TBC1D2: variants seen among roughly 807,000 people sequenced by gnomAD.
The protein encoded by TBC1D2 is TBC1 domain family member 2A.
A neutral mutation model predicts 91.1 loss-of-function variants in TBC1D2; 58 were observed. The ratio of observed to expected loss-of-function variants is 0.64; its 90% CI spans 0.52 to 0.79. TBC1D2 has a LOEUF of 0.79. TBC1D2 is among the 30% of genes least tolerant of loss of function. The probability of loss-of-function intolerance (pLI) is 0.00; values close to 1 mark genes in which losing one functional copy is unlikely to be tolerated. For synonymous variants in TBC1D2, 482 were observed against 511.5 expected, an observed-to-expected ratio of 0.94 and a Z score of 0.78; for missense variants, 1,080 against 1,208.3, an observed-to-expected ratio of 0.89 and a Z score of 1.57.
chr9:98,212,846 A>G (rs1000365772), intron 7 of TBC1D2, among the ~76,000 whole-genome samples: 5 of 151,600 alleles, frequency 3.3e-5, no homozygotes, highest in Non-Finnish European at 7.4e-5. Flanking sequence ...ACTAGTCTAT[A>G]CCCTCCTTGT....
intron 7 of TBC1D2, among the ~76,000 whole-genome samples, chr9:98,212,570 C>T (rs895708741): frequency 6.6e-6 from 1 of 151,592 alleles, no homozygotes; most frequent in African/African-American, 2.4e-5. Context: ...GGCGCAATCT[C>T]GGCTCACTGC....
chr9:98,239,788 C>A (rs182546620), intron 3 of TBC1D2, among the ~76,000 whole-genome samples: 2 of 152,228 alleles, frequency 1.3e-5, no homozygotes, highest in Admixed American at 1.3e-4. Context: ...CCAGTGAAGT[C>A]ATTTGGTCCT....
At chr9:98,254,813 A>G (rs1387781544) in intron 1 of TBC1D2, among the ~76,000 whole-genome samples, 1 of 152,214 alleles carries the variant, frequency 6.6e-6, no homozygotes, top group Non-Finnish European at 1.5e-5. Flanking sequence ...CAGGTAAGAA[A>G]GTTAAGGTAA....
intron 11 of TBC1D2, 121 bp from the exon 12 acceptor site, chr9:98,200,495 G>C: frequency 1.3e-6 from 1 of 756,888 alleles, no homozygotes; most frequent in Non-Finnish European, 2.0e-6. Flanking sequence ...GGAAGTTGAG[G>C]CCTGGAGGCA....
At chr9:98,218,781 C>T (rs1037006913) in intron 6 of TBC1D2, among the ~76,000 whole-genome samples, 12 of 152,048 alleles carry the variant, frequency 7.9e-5, no homozygotes, top group African/African-American at 2.2e-4. Flanking sequence ...ACCTCCACCT[C>T]GTGGGCTCAA....
At chr9:98,252,362 T>G (rs1485334721) in intron 1 of TBC1D2, among the ~76,000 whole-genome samples, 1 of 152,152 alleles carries the variant, frequency 6.6e-6, no homozygotes, top group Non-Finnish European at 1.5e-5. Context: ...CTCCAAGTCT[T>G]TGCTGCCTTT....
At chr9:98,209,967 T>G (rs1286372256) in intron 8 of TBC1D2, among the ~76,000 whole-genome samples, 1 of 150,936 alleles carries the variant, frequency 6.6e-6, no homozygotes, top group Non-Finnish European at 1.5e-5. Flanking sequence ...TAGCTGGGAC[T>G]ACAGGCGTGC....
intron 3 of TBC1D2, among the ~76,000 whole-genome samples, chr9:98,241,252 G>A (rs1402412637): frequency 1.3e-5 from 2 of 152,216 alleles, no homozygotes; most frequent in Non-Finnish European, 2.9e-5. Context: ...AGCCCTGGAT[G>A]TCTAACTCCA....
At chr9:98,222,128 C>T (rs891444467) in intron 5 of TBC1D2, among the ~76,000 whole-genome samples, 1 of 152,200 alleles carries the variant, frequency 6.6e-6, no homozygotes, top group Non-Finnish European at 1.5e-5. Flanking sequence ...GAATGGAATT[C>T]AATCTCAATT....
chr9:98,220,230 T>C (rs542539364), intron 6 of TBC1D2, among the ~76,000 whole-genome samples: 45 of 152,204 alleles, frequency 3.0e-4, no homozygotes, highest in African/African-American at 1.0e-3. Context: ...CTCCTTAACC[T>C]TTCTCAGCCT....
intron 7 of TBC1D2, among the ~76,000 whole-genome samples, chr9:98,211,614 A>G (rs1277823456): frequency 6.6e-6 from 1 of 151,976 alleles, no homozygotes; most frequent in African/African-American, 2.4e-5. Flanking sequence ...ATCCTATCTC[A>G]TCCTGGGGTG....
In TBC1D2 at chr9:98,236,928, ATT is replaced by A. The variant is rs113680368; in HGVS notation, c.648-3381_648-3380del. ...TGTATCTGTGTAGATCATTACTTCC[ATT>A]TTTTTTTTTTTTCCTCATTCAAAAT... On this transcript the variant is annotated intron_variant, in intron 3 of 12. Coordinates refer to ENST00000465784, the MANE Select transcript of TBC1D2 (RefSeq NM_001267571.2). Among the ~76,000 whole-genome samples, 458 of 134,164 alleles carry A rather than the reference ATT, an allele frequency of 3.4e-3. 1 individual carries two copies. The highest frequency in any genetic ancestry group is 0.011 in the African/African-American group (379 of 35,580). 88.0% of individuals were successfully genotyped at this position (134,164 alleles called of 152,430 possible).
Position 98,201,524 on chromosome 9 carries a change from G to T in TBC1D2, c.2412C>A (p.Asn804Lys). ...AGGCATCCCAGACCCGAAGGAGGAT[G>T]TTGCTAATGAGACTGTCCGCAAAGA... ...LVVFADSLISNILLRVWDAFL... is the reference protein window; with the variant it reads ...LVVFADSLISKILLRVWDAFL... The change falls in exon 11 of 13, where the codon AAC (asparagine) becomes AAA (lysine). Residue 804 changes from asparagine (N) to lysine (K), a missense_variant. Coordinates refer to ENST00000465784, the MANE Select transcript of TBC1D2 (RefSeq NM_001267571.2). 1 of 1,614,152 alleles carries T rather than the reference G, an allele frequency of 6.2e-7. No individual in the cohort carries two copies. The highest frequency in any genetic ancestry group is 8.5e-7 in the Non-Finnish European group (1 of 1,180,016).
At chr9:98,224,620 G>C (rs1402049642) in intron 5 of TBC1D2, among the ~76,000 whole-genome samples, 1 of 151,972 alleles carries the variant, frequency 6.6e-6, no homozygotes, top group East Asian at 1.9e-4. Context: ...CGAGTTGTTT[G>C]GTTCATCTCA....
Position 98,208,775 on chromosome 9 carries a change from G to T in TBC1D2, c.2043C>A (p.Asn681Lys). 6.3e-7 allele frequency: 1 copy of T among 1,582,786 alleles called. No individual in the cohort carries two copies. Among genetic ancestry groups the T allele is most frequent in the Non-Finnish European group, 8.6e-7 (1 of 1,159,542 alleles). ...ELDLNRTFPN[N>K]KHFTCPTSSF... Reference sequence around the variant, plus strand: ...TGGAGGTGGGGCAGGTGAAGTGTTTGTTGTTGGGGAAGGTCCGGTTCAGGT... The same window carrying T: ...TGGAGGTGGGGCAGGTGAAGTGTTTTTTGTTGGGGAAGGTCCGGTTCAGGT... Residue 681 changes from asparagine to lysine, a missense_variant, in exon 9 of 13, where the codon AAC becomes AAA. Physicochemically the swap from Asn to Lys is moderately conservative, Grantham distance 94. Transcript: ENST00000465784.
chr9:98,203,278 C>A lies in TBC1D2; in HGVS notation c.2271+10G>T. 1 of 1,614,050 alleles carries A rather than the reference C, an allele frequency of 6.2e-7. No homozygotes were observed. The highest frequency in any genetic ancestry group is 8.5e-7 in the Non-Finnish European group (1 of 1,179,936). Reference sequence around the variant, plus strand: ...ACATGGCTGCAAAGTCCCCTCCTGGCCCCACTTACCTGGGATGCCGTCAGC... The same window carrying A: ...ACATGGCTGCAAAGTCCCCTCCTGGACCCACTTACCTGGGATGCCGTCAGC... On this transcript the variant is annotated intron_variant, in intron 10 of 12. Transcript: ENST00000465784.
In TBC1D2 at chr9:98,229,079, GCTTT is replaced by G. The variant is rs1375046295; in HGVS notation, c.847_850del (p.Lys283ProfsTer33). 5.6e-6 allele frequency: 9 copies of G among 1,614,132 alleles called. No individual in the cohort carries two copies. The highest frequency in any genetic ancestry group is 1.6e-4 in the Middle Eastern group (1 of 6,084). On this transcript the variant is annotated frameshift_variant, in exon 5 of 13. Coordinates refer to ENST00000465784, the MANE Select transcript of TBC1D2 (RefSeq NM_001267571.2). LOFTEE classifies it high-confidence loss of function. ...TGGGAAGGTGTTGTTCTGGCGCTTGGCTTTCTGAGCGAAACTGATGGTCAGAGAA... is the reference window on the plus strand; with the variant it reads ...TGGGAAGGTGTTGTTCTGGCGCTTGGCTGAGCGAAACTGATGGTCAGAGAA...
chr9:98,218,066 G>A (rs892333028), intron 6 of TBC1D2, among the ~76,000 whole-genome samples: 1 of 151,922 alleles, frequency 6.6e-6, no homozygotes, highest in African/African-American at 2.4e-5. Flanking sequence ...TCCCCGGCTT[G>A]TCTCTAACTC....
chr9:98,233,637 G>A (rs1338853632), intron 3 of TBC1D2, 88 bp from the exon 4 acceptor site: 12 of 1,553,266 alleles, frequency 7.7e-6, no homozygotes, highest in East Asian at 2.3e-5. Flanking sequence ...TGGAGCTCAG[G>A]TCTCATCCCC....
Sources: gnomAD v4.1 joint callset for allele counts (sites outside exome capture counted in the v4.1 genomes callset) on GRCh38, gnomAD v4.1.1 for gene constraint, MANE v1.5 for transcripts, NCBI Gene and HGNC (gene_info 2026-07-23, HGNC 2026-07-21) for gene names.